PDE10A: variants seen among roughly 807,000 people sequenced by gnomAD.
PDE10A encodes cAMP and cAMP-inhibited cGMP 3',5'-cyclic phosphodiesterase 10A.
Under a neutral mutation model 97.7 loss-of-function variants are expected in PDE10A, and 39 were observed. That is an observed-to-expected ratio of 0.40 (90% CI 0.31 to 0.52). The LOEUF is 0.52. PDE10A is among the 20% of genes least tolerant of loss of function. The probability of loss-of-function intolerance (pLI) is 0.56; values close to 1 mark genes in which losing one functional copy is unlikely to be tolerated. For synonymous variants in PDE10A, 371 were observed against 376.8 expected (o/e 0.98, Z 0.18); for missense variants, 731 against 1,047.8 (o/e 0.70, Z 4.17).
At chr6:165,839,781 TCTG>T (rs1780169756) in intron 1 of PDE10A, among the ~76,000 whole-genome samples, 1 of 97,368 alleles carries the variant, frequency 1.0e-5, no homozygotes, top group African/African-American at 3.9e-5. Context: ...CCCATCTGCA[TCTG>T]TCTCCATCCC....
intron 1 of PDE10A, among the ~76,000 whole-genome samples, chr6:165,691,106 T>TCCC (rs35264122): frequency 0.014 from 555 of 39,092 alleles, 31 homozygotes; most frequent in African/African-American, 0.031. Flanking sequence ...TCTTTCTCTC[T>TCCC]CCCCCCCCCC....
intron 18 of PDE10A, among the ~76,000 whole-genome samples, chr6:165,354,363 T>C (rs1275424214): frequency 6.6e-6 from 1 of 152,274 alleles, no homozygotes; most frequent in African/African-American, 2.4e-5. Flanking sequence ...GTCCATTGGA[T>C]AACCACATTA....
At chr6:165,334,372 G>A (rs1039666750) in intron 21 of PDE10A, among the ~76,000 whole-genome samples, 10 of 147,314 alleles carry the variant, frequency 6.8e-5, no homozygotes, top group South Asian at 2.1e-4. Context: ...CCTCCATAGC[G>A]CCCTACAGCG....
intron 1 of PDE10A, among the ~76,000 whole-genome samples, chr6:165,824,984 A>T (rs1386764887): frequency 2.8e-4 from 41 of 148,776 alleles, no homozygotes; most frequent in Middle Eastern, 3.5e-3. Flanking sequence ...AAAAAAAAAA[A>T]AAAAAATACA....
intron 1 of PDE10A, among the ~76,000 whole-genome samples, chr6:165,805,780 G>C (rs1352099840): frequency 6.6e-6 from 1 of 151,960 alleles, no homozygotes; most frequent in African/African-American, 2.4e-5. Context: ...TTCATACCGA[G>C]TTCGGGGCCA....
At chr6:165,602,340 C>T (rs113011892) in intron 1 of PDE10A, among the ~76,000 whole-genome samples, 2,888 of 152,264 alleles carry the variant, frequency 0.019, 78 homozygotes, top group African/African-American at 0.062. Context: ...CAGCTACCAG[C>T]CCGTGTGAGT....
At chr6:165,929,169 G>A (rs761706051) in intron 1 of PDE10A, among the ~76,000 whole-genome samples, 3 of 152,240 alleles carry the variant, frequency 2.0e-5, no homozygotes, top group African/African-American at 2.4e-5. Flanking sequence ...CACATGTGGC[G>A]GGCATTCGGT....
chr6:165,689,935 C>T (rs1413709886), intron 1 of PDE10A, among the ~76,000 whole-genome samples: 1 of 152,160 alleles, frequency 6.6e-6, no homozygotes, highest in Non-Finnish European at 1.5e-5. Context: ...AGCATGTATC[C>T]GTGAGTCACT....
At chr6:165,911,311 C>A (rs1346560338) in intron 1 of PDE10A, among the ~76,000 whole-genome samples, 1 of 152,152 alleles carries the variant, frequency 6.6e-6, no homozygotes, top group Non-Finnish European at 1.5e-5. Flanking sequence ...GTGAATAGTT[C>A]CCCAAAGGGC....
chr6:165,617,553 G>C (rs1787783382), intron 1 of PDE10A, among the ~76,000 whole-genome samples: 1 of 152,098 alleles, frequency 6.6e-6, no homozygotes, highest in Admixed American at 6.5e-5. Context: ...GTGTTAAAGT[G>C]GGGGAGGTGG....
At chr6:165,763,068 C>T (rs560682744) in intron 1 of PDE10A, among the ~76,000 whole-genome samples, 14 of 152,200 alleles carry the variant, frequency 9.2e-5, no homozygotes, top group South Asian at 2.1e-4. Flanking sequence ...GATTCACTGA[C>T]CCATGTGAGT....
intron 1 of PDE10A, among the ~76,000 whole-genome samples, chr6:165,987,206 C>G (rs2128505577): frequency 6.6e-6 from 1 of 152,292 alleles, no homozygotes; most frequent in East Asian, 1.9e-4. Flanking sequence ...TCAAACTCCT[C>G]GGATCAAGCG....
At chr6:165,646,857 C>T (rs552394781) in intron 1 of PDE10A, among the ~76,000 whole-genome samples, 6 of 152,190 alleles carry the variant, frequency 3.9e-5, no homozygotes, top group South Asian at 4.2e-4. Flanking sequence ...CATGCCCATC[C>T]GACAGTATTA....
At chr6:165,468,166 C>G (rs1778769114) in intron 3 of PDE10A, among the ~76,000 whole-genome samples, 1 of 152,164 alleles carries the variant, frequency 6.6e-6, no homozygotes, top group Non-Finnish European at 1.5e-5. Context: ...GCAACCTCTG[C>G]CTCCCAGGTT....
chr6:165,605,458 A>G (rs951287795), intron 1 of PDE10A, among the ~76,000 whole-genome samples: 1 of 152,208 alleles, frequency 6.6e-6, no homozygotes, highest in Admixed American at 6.5e-5. Flanking sequence ...AATGTTTCAC[A>G]GTTTGTTCAT....
At chr6:165,983,317 G>A (rs764322660) in intron 1 of PDE10A, among the ~76,000 whole-genome samples, 2 of 152,142 alleles carry the variant, frequency 1.3e-5, no homozygotes, top group Non-Finnish European at 1.5e-5. Context: ...CAATAGAGGG[G>A]CCACACAGCA....
rs192554141 is a variant in PDE10A, at chr6:165,366,969, A to G, written c.2783+12225T>C. On this transcript the variant is annotated intron_variant, in intron 18 of 21. Coordinates refer to ENST00000539869, the MANE Select transcript of PDE10A (RefSeq NM_001385079.1). The stretch of plus-strand genomic sequence containing the variant: ...AATATACAAATATAAAAAAATTACT[A>G]GCCATGTAAAGAAACTGAAAAATGT... Among the ~76,000 whole-genome samples the G allele has an allele frequency of 5.9e-5, 9 of 152,320 alleles. No individual in the cohort carries two copies. In the East Asian group the frequency reaches 1.7e-3, roughly 29 times the overall value.
At chr6:165,900,867 G>A (rs997211148) in intron 1 of PDE10A, among the ~76,000 whole-genome samples, 1 of 152,144 alleles carries the variant, frequency 6.6e-6, no homozygotes, top group African/African-American at 2.4e-5. Context: ...AATATACGAT[G>A]TTCCCTGAAC....
intron 1 of PDE10A, among the ~76,000 whole-genome samples, chr6:165,631,962 A>G (rs1010627676): frequency 3.3e-5 from 5 of 152,142 alleles, no homozygotes; most frequent in African/African-American, 1.2e-4. Flanking sequence ...GCACTTTGGG[A>G]GGCCAAGGTG....
Sources: allele counts gnomAD v4.1 joint callset (sites outside exome capture counted in the v4.1 genomes callset), GRCh38; gene constraint gnomAD v4.1.1; transcripts MANE v1.5; gene names NCBI Gene and HGNC (gene_info 2026-07-23, HGNC 2026-07-21).